USP6: variants seen among roughly 807,000 people sequenced by gnomAD.
The protein encoded by USP6 is ubiquitin carboxyl-terminal hydrolase 6.
A neutral mutation model predicts 175.7 loss-of-function variants in USP6; 128 were observed. The observed-to-expected ratio is 0.73, with a 90% CI of 0.63 to 0.84. The LOEUF is 0.84. Ranked by LOEUF, USP6 falls within the 40% of genes least tolerant of loss-of-function variation. The pLI is 0.00. For missense variants in USP6, 1,498 were observed against 1,760.3 expected (o/e 0.85, Z 2.67); for synonymous variants, 562 against 630.6 (o/e 0.89, Z 1.63).
At chr17:5,135,735 A>G (rs1023123911) in intron 16 of USP6, 73 bp from the exon 17 acceptor site, 117 of 1,596,698 alleles carry the variant, frequency 7.3e-5, no homozygotes, top group Non-Finnish European at 9.2e-5. Flanking sequence ...GCCCTCTCCA[A>G]TGACATGAGT....
At chr17:5,150,169 G>A (rs941494489) in intron 30 of USP6, among the ~76,000 whole-genome samples, 20 of 152,132 alleles carry the variant, frequency 1.3e-4, no homozygotes, top group Non-Finnish European at 2.4e-4. Context: ...GCACACGACT[G>A]TAGTCCCAGC....
intron 30 of USP6, among the ~76,000 whole-genome samples, chr17:5,152,257 A>AAG: frequency 6.6e-6 from 1 of 151,922 alleles, no homozygotes; most frequent in East Asian, 1.9e-4. Flanking sequence ...AAAAAAAAAA[A>AAG]GTGATCAATG....
chr17:5,120,370 G>C (rs2072626551), intron 2 of USP6, among the ~76,000 whole-genome samples: 1 of 152,170 alleles, frequency 6.6e-6, no homozygotes, highest in Non-Finnish European at 1.5e-5. Flanking sequence ...TCAGGGCTTA[G>C]CACTTGTTGG....
At chr17:5,128,640 C>T (rs2072965306) in intron 7 of USP6, 1 of 152,538 alleles carries the variant, frequency 6.6e-6, no homozygotes. Flanking sequence ...TATCCACATA[C>T]ACATGTGCAC....
chr17:5,155,150 G>T (rs1192992973), intron 30 of USP6, among the ~76,000 whole-genome samples: 1 of 152,214 alleles, frequency 6.6e-6, no homozygotes, highest in Non-Finnish European at 1.5e-5. Context: ...GTTTATCAGA[G>T]AAAACTCTGG....
At chr17:5,163,759 C>T (rs1283745734) in intron 33 of USP6, among the ~76,000 whole-genome samples, 1 of 152,162 alleles carries the variant, frequency 6.6e-6, no homozygotes, top group Non-Finnish European at 1.5e-5. Flanking sequence ...ACCACAGTTA[C>T]TTAGTTCAAG....
At chr17:5,156,844 C>T (rs1213948587) in intron 31 of USP6, among the ~76,000 whole-genome samples, 1 of 151,366 alleles carries the variant, frequency 6.6e-6, no homozygotes, top group Non-Finnish European at 1.5e-5. Context: ...ATTTTCATGC[C>T]TCAGACACCT....
At chr17:5,130,723 C>G in intron 11 of USP6, 39 bp downstream of exon 11, 1 of 1,609,266 alleles carries the variant, frequency 6.2e-7, no homozygotes, top group Non-Finnish European at 8.5e-7. Context: ...CCTAAAGCAG[C>G]TGTCTCAGCT....
chr17:5,157,817 G>T (rs1012943425), intron 31 of USP6, among the ~76,000 whole-genome samples: 5 of 152,108 alleles, frequency 3.3e-5, no homozygotes, highest in Admixed American at 2.0e-4. Context: ...TTTTAGTAGA[G>T]ACAGGGTTTC....
intron 33 of USP6, 40 bp downstream of exon 33, chr17:5,163,044 T>C (rs2074036341): frequency 2.0e-6 from 3 of 1,509,856 alleles, no homozygotes; most frequent in Non-Finnish European, 8.8e-7. Flanking sequence ...GGTTTTTATA[T>C]GGGAAATTTC....
In USP6 at chr17:5,174,102, GTTTTT is replaced by G. The variant is rs1168870547; in HGVS notation, c.*1127_*1131del. On this transcript the variant is annotated 3_prime_UTR_variant, in exon 38 of 38. Coordinates refer to ENST00000574788, the MANE Select transcript of USP6 (RefSeq NM_001304284.2). ...TTTTGCTTTGTTTGCATGTCCACTGGTTTTTTTATTTTGATATTTGTCTTTTTTTA... is the reference window on the plus strand; with the variant it reads ...TTTTGCTTTGTTTGCATGTCCACTGGTTATTTTGATATTTGTCTTTTTTTA... The G allele has an allele frequency of 4.9e-6, 1 of 203,462 alleles. No homozygotes were observed. Among genetic ancestry groups the G allele is most frequent in the African/African-American group, 2.3e-5 (1 of 43,670 alleles). The allele number at this position is 203,462 out of a possible 1,614,324, so 12.6% of individuals were successfully genotyped here.
intron 32 of USP6, 144 bp downstream of exon 32, chr17:5,161,758 G>C (rs2074008404): frequency 2.1e-6 from 2 of 959,954 alleles, no homozygotes. Flanking sequence ...GCTCAGGCCT[G>C]TAATCCCATC....
chr17:5,146,275 T>C (rs1332340404), intron 28 of USP6, 101 bp downstream of exon 28: 70 of 1,391,166 alleles, frequency 5.0e-5, no homozygotes, highest in Non-Finnish European at 6.6e-5. Flanking sequence ...CCAAGAGAGA[T>C]ACTAAAACAT....
intron 35 of USP6, 23 bp from the exon 36 acceptor site, chr17:5,170,456 C>T: frequency 6.4e-7 from 1 of 1,557,072 alleles, no homozygotes; most frequent in Non-Finnish European, 8.7e-7. Context: ...ATTTGTGAAT[C>T]TTTTCTTCTG....
rs1278946261 is a variant in USP6, at chr17:5,172,958, A to G, written c.4201A>G (p.Lys1401Glu). ...TDEDSESDYE[K>E]YSMLQ ...TGAAGACTCTGAGTCTGATTACGAAAAGTACTCTATGTTACAGTAAAGCTA... is the reference window on the plus strand; with the variant it reads ...TGAAGACTCTGAGTCTGATTACGAAGAGTACTCTATGTTACAGTAAAGCTA... The change falls in exon 38 of 38, where the codon AAG (lysine) becomes GAG (glutamate). Residue 1401 changes from lysine (K) to glutamate (E), a missense_variant. Physicochemically the swap from Lys to Glu is moderately conservative, Grantham distance 56. Around this residue, in one of 2 missense-constraint regions of USP6, gnomAD observed 1,217 missense variants for 1,500.8 expected, o/e 0.81. Coordinates refer to ENST00000574788, the MANE Select transcript of USP6 (RefSeq NM_001304284.2). 8 of 1,613,988 alleles carry G rather than the reference A, an allele frequency of 5.0e-6. No individual in the cohort carries two copies. The South Asian group carries it at 7.7e-5, about 16-fold the overall frequency.
rs749126048 is a variant in USP6 at position 5,133,863 on chromosome 17, C to A, written c.385-24C>A. 7 of 1,610,252 alleles carry A rather than the reference C, an allele frequency of 4.3e-6. No homozygotes were observed. The South Asian group carries it at 7.7e-5, about 18-fold the overall frequency. ...TCTTCCATCTGTTCTGAGGCTGCTT[C>A]CTCCTCTTGGCCCTGCCCTACAGAT... On this transcript the variant is annotated intron_variant, in intron 14 of 37. Transcript: ENST00000574788.
intron 3 of USP6, 110 bp downstream of exon 3, chr17:5,120,898 G>A: frequency 2.2e-6 from 1 of 454,560 alleles, no homozygotes; most frequent in Non-Finnish European, 4.4e-6. Flanking sequence ...GAAGGACTTT[G>A]GAAACCAGTT....
chr17:5,154,400 A>C (rs1186823268), intron 30 of USP6, among the ~76,000 whole-genome samples: 2 of 152,194 alleles, frequency 1.3e-5, no homozygotes, highest in African/African-American at 2.4e-5. Context: ...CAACCATTCC[A>C]TTATACTAAA....
At chr17:5,169,591 A>G (rs1244826710) in intron 35 of USP6, among the ~76,000 whole-genome samples, 1 of 152,014 alleles carries the variant, frequency 6.6e-6, no homozygotes, top group African/African-American at 2.4e-5. Context: ...ACAGGCATGC[A>G]CCACTGCACC....
Sources: allele counts gnomAD v4.1 joint callset (sites outside exome capture counted in the v4.1 genomes callset), GRCh38; gene constraint gnomAD v4.1.1; regional missense constraint gnomAD v4.1.1; transcripts MANE v1.5; gene names NCBI Gene and HGNC (gene_info 2026-07-23, HGNC 2026-07-21).